Variants in GPHN observed in about 807,000 individuals in gnomAD.
GPHN encodes the protein gephyrin.
Under a neutral mutation model 95.5 loss-of-function variants are expected in GPHN, and 17 were observed. The ratio of observed to expected loss-of-function variants is 0.18; its 90% confidence interval spans 0.12 to 0.27. The LOEUF (loss-of-function observed/expected upper bound fraction) is 0.27, where lower values mean the gene tolerates loss of function less well. Ranked by LOEUF, GPHN falls within the 10% of genes least tolerant of loss-of-function variation. GPHN has a pLI of 1.00. For synonymous variants in GPHN, 320 were observed against 322.5 expected (o/e 0.99, Z 0.08); for missense variants, 660 against 978.1 (o/e 0.67, Z 4.34).
chr14:66,733,689 G>A (rs1157715165), intron 2 of GPHN, among the ~76,000 whole-genome samples: 1 of 151,884 alleles, frequency 6.6e-6, no homozygotes, highest in Non-Finnish European at 1.5e-5. Flanking sequence ...TGATCTCTTG[G>A]TAGTTAAGTG....
intron 3 of GPHN, 97 bp from the exon 4 acceptor site, chr14:66,824,375 CTG>C (rs2061318010): frequency 3.0e-6 from 2 of 676,130 alleles, no homozygotes; most frequent in African/African-American, 3.6e-5. Flanking sequence ...TGAAAAGAAT[CTG>C]TGTTTCCTCG....
At chr14:67,317,510 T>A in the GPHN span, 2 of 1,505,662 alleles carry the variant, frequency 1.3e-6, no homozygotes, top group Middle Eastern at 1.8e-4. Context: ...TAGGTGGAAT[T>A]ATATCTGAAA....
At chr14:67,435,551 G>C in the GPHN span, among the ~76,000 whole-genome samples, 1 of 152,222 alleles carries the variant, frequency 6.6e-6, no homozygotes, top group East Asian at 1.9e-4. Flanking sequence ...TTGGAGTGTT[G>C]TAACACTGTG....
the GPHN span, among the ~76,000 whole-genome samples, chr14:67,216,135 A>T: frequency 6.6e-6 from 1 of 152,162 alleles, no homozygotes; most frequent in Non-Finnish European, 1.5e-5. Flanking sequence ...TACATTTGTT[A>T]CAGTCAATGA....
At chr14:67,642,159 A>G in the GPHN span, 3 of 1,608,958 alleles carry the variant, frequency 1.9e-6, no homozygotes, top group Admixed American at 5.0e-5. Context: ...CAGAAAATTC[A>G]TCTTGTCATC....
chr14:67,687,696 C>T, the GPHN span, among the ~76,000 whole-genome samples: 1 of 151,858 alleles, frequency 6.6e-6, no homozygotes, highest in Non-Finnish European at 1.5e-5. Flanking sequence ...GTCTTGAACT[C>T]CTGACCTCAG....
At chr14:67,137,367 G>A (rs1026860955) in intron 17 of GPHN, among the ~76,000 whole-genome samples, 11 of 151,616 alleles carry the variant, frequency 7.3e-5, no homozygotes, top group Non-Finnish European at 1.3e-4. Context: ...GAATGGTCCC[G>A]ATCTCCTGAC....
intron 9 of GPHN, among the ~76,000 whole-genome samples, chr14:66,977,805 G>C (rs1045467930): frequency 6.6e-6 from 1 of 152,056 alleles, no homozygotes; most frequent in East Asian, 1.9e-4. Context: ...GTTTTTGTTT[G>C]TGTATTTTTT....
the GPHN span, among the ~76,000 whole-genome samples, chr14:67,460,354 G>A: frequency 6.6e-6 from 1 of 152,156 alleles, no homozygotes; most frequent in Middle Eastern, 3.2e-3. Context: ...TATCTGTGAG[G>A]TGTGAATTAT....
At chr14:67,150,440 CAAAAAAAAAAAACA>C (rs1414504248) in intron 18 of GPHN, among the ~76,000 whole-genome samples, 21 of 17,006 alleles carry the variant, frequency 1.2e-3, no homozygotes, top group African/African-American at 5.5e-3. Flanking sequence ...GACTCCGTCT[CAAAAAAAAAAAACA>C]AAAAAAAAAA....
At chr14:66,990,634 G>A (rs1387541210) in intron 9 of GPHN, among the ~76,000 whole-genome samples, 1 of 152,056 alleles carries the variant, frequency 6.6e-6, no homozygotes, top group Non-Finnish European at 1.5e-5. Context: ...TGAATTAACA[G>A]ACTTAACTCA....
the GPHN span, among the ~76,000 whole-genome samples, chr14:67,214,575 A>G: frequency 6.6e-6 from 1 of 152,060 alleles, no homozygotes; most frequent in Non-Finnish European, 1.5e-5. Flanking sequence ...GTAGCCTTGT[A>G]GTATAGTTTG....
intron 1 of GPHN, among the ~76,000 whole-genome samples, chr14:66,522,212 T>C (rs1377808837): frequency 6.6e-6 from 1 of 152,186 alleles, no homozygotes; most frequent in Non-Finnish European, 1.5e-5. Context: ...TTTAGAATAG[T>C]AATACACACA....
intron 1 of GPHN, 117 bp from the exon 2 acceptor site, chr14:66,680,990 G>T (rs1566808518): frequency 6.2e-6 from 4 of 643,250 alleles, no homozygotes; most frequent in Non-Finnish European, 1.1e-5. Context: ...GTAATGTTTG[G>T]GGAAAAATGA....
the GPHN span, among the ~76,000 whole-genome samples, chr14:67,400,683 A>C: frequency 6.6e-6 from 1 of 151,766 alleles, no homozygotes; most frequent in African/African-American, 2.4e-5. Flanking sequence ...GGTGGAGTAG[A>C]GGAGAGGGCA....
the GPHN span, among the ~76,000 whole-genome samples, chr14:67,455,240 C>T: frequency 2.0e-5 from 3 of 152,188 alleles, no homozygotes; most frequent in Admixed American, 6.5e-5. Flanking sequence ...TGTAGCCCTG[C>T]GGCCCACCCT....
chr14:67,393,568 C>T, the GPHN span, among the ~76,000 whole-genome samples: 1 of 152,154 alleles, frequency 6.6e-6, no homozygotes, highest in African/African-American at 2.4e-5. Flanking sequence ...ATTCTCCTGC[C>T]TCAACCTCCG....
At chr14:67,199,535 A>G in the GPHN span, 3 of 1,610,986 alleles carry the variant, frequency 1.9e-6, no homozygotes, top group African/African-American at 1.3e-5. Context: ...AGTTGCAGCA[A>G]TTGAAGCCAT....
chr14:67,269,108 A>G, the GPHN span, among the ~76,000 whole-genome samples: 5 of 152,160 alleles, frequency 3.3e-5, no homozygotes, highest in Non-Finnish European at 4.4e-5. Flanking sequence ...TATTTCATAA[A>G]TAGAATCATA....
Sources: allele counts gnomAD v4.1 joint callset (sites outside exome capture counted in the v4.1 genomes callset), GRCh38; gene constraint gnomAD v4.1.1; transcripts MANE v1.5; gene names NCBI Gene and HGNC (gene_info 2026-07-23, HGNC 2026-07-21).